The following IGF2BP2 variants were observed in gnomAD, a reference collection of about 807,000 sequenced individuals.
IGF2BP2 encodes insulin like growth factor 2 mRNA binding protein 2.
In IGF2BP2, 17 loss-of-function variants were observed where a neutral mutation model predicts 75.8. The ratio of observed to expected loss-of-function variants is 0.22; its 90% CI spans 0.15 to 0.34. The LOEUF (loss-of-function observed/expected upper bound fraction) is 0.34. IGF2BP2 is among the 10% of genes least tolerant of loss of function. The pLI is 1.00. For missense variants in IGF2BP2, 516 were observed against 772.4 expected (o/e 0.67, Z 3.93); for synonymous variants, 288 against 295.6 (o/e 0.97, Z 0.26).
intron 8 of IGF2BP2, among the ~76,000 whole-genome samples, 156 bp downstream of exon 8, chr3:185,675,635 G>A (rs1719217727): frequency 6.6e-6 from 1 of 152,082 alleles, no homozygotes. Flanking sequence ...TGTCTACCTG[G>A]TAAGTATTTA....
intron 12 of IGF2BP2, among the ~76,000 whole-genome samples, chr3:185,653,761 C>T (rs777543948): frequency 6.6e-6 from 1 of 152,090 alleles, no homozygotes; most frequent in African/African-American, 2.4e-5. Flanking sequence ...AGAGCAAATA[C>T]GAAACAAGAA....
intron 2 of IGF2BP2, among the ~76,000 whole-genome samples, chr3:185,770,306 A>G (rs746306339): frequency 6.6e-6 from 1 of 152,222 alleles, no homozygotes; most frequent in Non-Finnish European, 1.5e-5. Flanking sequence ...CCGAGGGAGC[A>G]TATCTGGTGA....
chr3:185,809,964 G>A (rs1739579257), intron 2 of IGF2BP2, among the ~76,000 whole-genome samples: 1 of 152,176 alleles, frequency 6.6e-6, no homozygotes, highest in Non-Finnish European at 1.5e-5. Flanking sequence ...AGAAAATAGA[G>A]TTGGCTATTT....
chr3:185,756,947 C>A (rs1036914912), intron 2 of IGF2BP2, among the ~76,000 whole-genome samples: 2 of 152,132 alleles, frequency 1.3e-5, no homozygotes, highest in Admixed American at 1.3e-4. Context: ...CCAGTCTAGG[C>A]AACAGAGTGA....
At chr3:185,721,867 T>G (rs1439303152) in intron 2 of IGF2BP2, among the ~76,000 whole-genome samples, 1 of 152,080 alleles carries the variant, frequency 6.6e-6, no homozygotes, top group Non-Finnish European at 1.5e-5. Flanking sequence ...AGAAGTCTCT[T>G]TCAGCAAGTC....
chr3:185,647,419 A>G lies in IGF2BP2; in HGVS notation c.1594-281T>C, dbSNP rs777770938. On this transcript the variant is annotated intron_variant, in intron 14 of 15. Coordinates refer to ENST00000382199, the MANE Select transcript of IGF2BP2 (RefSeq NM_006548.6). This position sits in a 1 kb window ranked among gnomAD's most constrained non-coding sequence, Gnocchi z 4.9. ...GAAGTTCTCTTATTCTGGAGTTCCCATCAACGCAGGCCTGCACATGCTCAC... is the reference window on the plus strand; with the variant it reads ...GAAGTTCTCTTATTCTGGAGTTCCCGTCAACGCAGGCCTGCACATGCTCAC... Among the ~76,000 whole-genome samples, 3 of 152,008 alleles carry G rather than the reference A, an allele frequency of 2.0e-5. No individual in the cohort carries two copies. Among genetic ancestry groups the G allele is most frequent in the Non-Finnish European group, 4.4e-5 (3 of 67,986 alleles).
At chr3:185,679,440 CAT>C (rs1012885117) in intron 7 of IGF2BP2, among the ~76,000 whole-genome samples, 2 of 150,824 alleles carry the variant, frequency 1.3e-5, no homozygotes, top group African/African-American at 4.8e-5. Flanking sequence ...TACCCATTAA[CAT>C]AGATTTATAG....
At chr3:185,691,296 C>T (rs1721921930) in intron 5 of IGF2BP2, among the ~76,000 whole-genome samples, 2 of 151,128 alleles carry the variant, frequency 1.3e-5, no homozygotes, top group Non-Finnish European at 1.5e-5. Flanking sequence ...TGGGGTTTCT[C>T]CATGTTGGTC....
intron 2 of IGF2BP2, among the ~76,000 whole-genome samples, chr3:185,774,671 T>C (rs926649998): frequency 1.3e-4 from 19 of 151,534 alleles, no homozygotes; most frequent in African/African-American, 4.4e-4. Flanking sequence ...TGCTTTCCCA[T>C]TGATAAATAA....
intron 7 of IGF2BP2, among the ~76,000 whole-genome samples, chr3:185,681,686 T>A (rs1025655248): frequency 6.6e-6 from 1 of 152,188 alleles, no homozygotes; most frequent in African/African-American, 2.4e-5. Flanking sequence ...CAAAGCTACA[T>A]AATCAAAACA....
chr3:185,643,605 C>A lies in IGF2BP2; in HGVS notation c.*1926G>T, dbSNP rs1712996724. ...CTCCCAAAGACTTTCCTGGGCAAAA[C>A]CAGCTTTCTCAGAGTAGCTGTGTGG... On this transcript the variant is annotated 3_prime_UTR_variant, in exon 16 of 16. Coordinates refer to ENST00000382199, the MANE Select transcript of IGF2BP2 (RefSeq NM_006548.6). 6.6e-6 allele frequency: 1 copy of A among 152,370 alleles called. No homozygotes were observed. Among genetic ancestry groups the A allele is most frequent in the South Asian group, 2.1e-4 (1 of 4,832 alleles). The allele number at this position is 152,370 out of a possible 1,614,324, so 9.4% of individuals were successfully genotyped here. A position where few individuals can be genotyped will look rare whatever the true frequency, so the allele number is the denominator to read the frequency against.
intron 7 of IGF2BP2, among the ~76,000 whole-genome samples, chr3:185,677,068 T>TATATAGAGAGAGAGAGAGAGAG: frequency 1.7e-4 from 6 of 35,860 alleles, no homozygotes; most frequent in Admixed American, 3.4e-4. Flanking sequence ...TATATATATA[T>TATATAGAGAGAGAGAGAGAGAG]AGAGAGAGAG....
intron 2 of IGF2BP2, among the ~76,000 whole-genome samples, chr3:185,765,901 T>C (rs1732974933): frequency 6.6e-6 from 1 of 152,186 alleles, no homozygotes; most frequent in Non-Finnish European, 1.5e-5. Flanking sequence ...TAAAGCTAAA[T>C]ACGGAACATG....
intron 2 of IGF2BP2, among the ~76,000 whole-genome samples, chr3:185,781,193 A>T (rs1030172560): frequency 6.6e-6 from 1 of 152,012 alleles, no homozygotes. Flanking sequence ...GATGAATTCC[A>T]GCTATTCTGC....
At chr3:185,658,250 C>G (rs772320677) in intron 11 of IGF2BP2, 91 bp downstream of exon 11, 21 of 1,209,088 alleles carry the variant, frequency 1.7e-5, no homozygotes, top group Non-Finnish European at 2.5e-5. Context: ...GAGACAAGAT[C>G]TGCATTGTGA....
chr3:185,775,007 C>A lies in IGF2BP2; in HGVS notation c.239+48146G>T, dbSNP rs184724227. Among the ~76,000 whole-genome samples, 153 of 150,830 alleles carry A rather than the reference C, an allele frequency of 1.0e-3. 1 individual carries two copies. Among genetic ancestry groups the A allele is most frequent in the African/African-American group, 3.1e-3 (129 of 41,038 alleles). On this transcript the variant is annotated intron_variant, in intron 2 of 15. Transcript: ENST00000382199. The stretch of plus-strand genomic sequence containing the variant: ...TGCACTCCAGCCTGGGCAACAGAGT[C>A]AGACTCCGTCTAAAAAGAAAAAAAA...
Position 185,770,354 on chromosome 3 carries a change from T to C in IGF2BP2, c.239+52799A>G, listed in dbSNP as rs114989415. On this transcript the variant is annotated intron_variant, in intron 2 of 15. Transcript: ENST00000382199. ...TCCAGTTCTCTCAAGGAAAATGGGA[T>C]GTGATAGGAAAAGCAAAACCAACGA... 5.0e-3 allele frequency among the ~76,000 whole-genome samples: 762 copies of C among 152,266 alleles called. 5 individuals carry two copies. The highest frequency in any genetic ancestry group is 7.5e-3 in the Non-Finnish European group (508 of 68,018).
At chr3:185,777,400 A>ACT (rs1578267226) in intron 2 of IGF2BP2, among the ~76,000 whole-genome samples, 2 of 152,298 alleles carry the variant, frequency 1.3e-5, no homozygotes, top group East Asian at 3.9e-4. Context: ...GCTATTCAGG[A>ACT]GGATGGCTTG....
At chr3:185,793,939 A>C (rs1736978506) in intron 2 of IGF2BP2, among the ~76,000 whole-genome samples, 1 of 149,446 alleles carries the variant, frequency 6.7e-6, no homozygotes, top group African/African-American at 2.5e-5. Context: ...CCAGATAAGG[A>C]ATGGTCAAAG....
Sources: gnomAD v4.1 joint callset for allele counts (sites outside exome capture counted in the v4.1 genomes callset) on GRCh38, gnomAD v4.1.1 for gene constraint, Gnocchi (gnomAD v3.1) non-coding constraint, MANE v1.5 for transcripts, NCBI Gene and HGNC (gene_info 2026-07-23, HGNC 2026-07-21) for gene names.